Variants in ABCA1 observed in about 807,000 individuals in gnomAD.
The protein encoded by ABCA1 is ATP binding cassette subfamily A member 1, also known as phospholipid-transporting ATPase ABCA1.
A neutral mutation model predicts 262.5 loss-of-function variants in ABCA1; 133 were observed. The ratio of observed to expected loss-of-function variants is 0.51; its 90% CI spans 0.44 to 0.59. The LOEUF (loss-of-function observed/expected upper bound fraction) is 0.59, where lower values mean the gene tolerates loss of function less well. Ranked by LOEUF, ABCA1 falls within the 20% of genes least tolerant of loss-of-function variation. The pLI, the probability that ABCA1 is intolerant of heterozygous loss-of-function variation, is 0.00. For synonymous variants in ABCA1, 1,022 were observed against 1,043.5 expected, an observed-to-expected ratio of 0.98 and a Z score of 0.40; for missense variants, 2,452 against 2,777.5, an observed-to-expected ratio of 0.88 and a Z score of 2.63.
rs1401723698 is a variant in ABCA1 at position 104,826,805 on chromosome 9, A to G, written c.2337+143T>C. On this transcript the variant is annotated intron_variant, in intron 16 of 49. Coordinates refer to ENST00000374736, the MANE Select transcript of ABCA1 (RefSeq NM_005502.4). ...AAACACAATGCTTGCCCTTACCCTT[A>G]AAGAGCTTAGAATCTAGAGCTAAGG... 6.2e-6 allele frequency: 5 copies of G among 806,252 alleles called. No homozygotes were observed. The East Asian group carries it at 1.1e-4, about 17-fold the overall frequency. 49.9% of individuals were successfully genotyped at this position (806,252 alleles called of 1,614,324 possible). A position where few individuals can be genotyped will look rare whatever the true frequency, so the allele number is the denominator to read the frequency against.
chr9:104,845,378 T>C (rs1564171870), intron 8 of ABCA1, 99 bp downstream of exon 8: 2 of 780,288 alleles, frequency 2.6e-6, no homozygotes, highest in Non-Finnish European at 4.6e-6. Context: ...TTACATCCCA[T>C]GTGATATTCA....
chr9:104,790,378 T>C (rs1388686106), intron 44 of ABCA1, among the ~76,000 whole-genome samples: 1 of 152,182 alleles, frequency 6.6e-6, no homozygotes, highest in Non-Finnish European at 1.5e-5. Flanking sequence ...TTATAAGGAA[T>C]TTATTAAATA....
chr9:104,822,475 G>A, intron 19 of ABCA1, 21 bp downstream of exon 19: 3 of 1,612,556 alleles, frequency 1.9e-6, no homozygotes, highest in Non-Finnish European at 1.7e-6. Flanking sequence ...TGATTCTGCG[G>A]GAACCACACC....
intron 6 of ABCA1, among the ~76,000 whole-genome samples, chr9:104,860,884 G>C (rs888546375): frequency 6.6e-6 from 1 of 151,304 alleles, no homozygotes; most frequent in Non-Finnish European, 1.5e-5. Flanking sequence ...AGCCTCACGA[G>C]TAGCTGGGAC....
intron 18 of ABCA1, among the ~76,000 whole-genome samples, chr9:104,823,136 T>C (rs964213320): frequency 1.3e-5 from 2 of 151,134 alleles, no homozygotes; most frequent in Non-Finnish European, 2.9e-5. Flanking sequence ...CTAGAAATAA[T>C]AAAACTGTAA....
rs1828624560 is a variant in ABCA1, at chr9:104,782,865, A to AT, written c.*1449_*1450insA. 1 of 145,892 alleles carries AT rather than the reference A, an allele frequency of 6.9e-6. No individual in the cohort carries two copies. The highest frequency in any genetic ancestry group is 1.5e-5 in the Non-Finnish European group (1 of 66,042). 9.0% of individuals were successfully genotyped at this position (145,892 alleles called of 1,614,324 possible). ...GTTGCAATTAAAAAAAAAAAAAAAA[A>AT]GGCTGCCCAGTATTGTTACAGTGGG... On this transcript the variant is annotated 3_prime_UTR_variant, in exon 50 of 50. Coordinates refer to ENST00000374736, the MANE Select transcript of ABCA1 (RefSeq NM_005502.4).
chr9:104,891,966 TAAAAAAAAAAAAAAAAAA>T (rs570923490), intron 2 of ABCA1, among the ~76,000 whole-genome samples: 1 of 59,214 alleles, frequency 1.7e-5, no homozygotes, highest in African/African-American at 8.2e-5. Flanking sequence ...CTCTGTCTCT[TAAAAAAAAAAAAAAAAAA>T]AAAAAAAAAA....
chr9:104,918,183 A>T (rs1300229266), intron 1 of ABCA1, among the ~76,000 whole-genome samples: 1 of 152,124 alleles, frequency 6.6e-6, no homozygotes, highest in Non-Finnish European at 1.5e-5. Context: ...TGAGCAGAAG[A>T]TCAAGTGTGA....
chr9:104,848,628 A>C (rs1388963379), intron 7 of ABCA1, among the ~76,000 whole-genome samples: 1 of 151,982 alleles, frequency 6.6e-6, no homozygotes, highest in African/African-American at 2.4e-5. Context: ...AAAAAAAAAA[A>C]AAATGCAGAT....
At position 104,840,419 on chromosome 9, in the gene ABCA1, G is replaced by A; in HGVS notation, c.914C>T (p.Ser305Phe). The A allele has an allele frequency of 6.2e-7, 1 of 1,614,182 alleles. No individual in the cohort carries two copies. The highest frequency in any genetic ancestry group is 8.5e-7 in the Non-Finnish European group (1 of 1,180,044). Reference sequence around the variant, plus strand: ...CTCGGGATGCCCGCAGACAATACGAGACACAGCCTGGTAGATTTGGGTGGA... The same window carrying A: ...CTCGGGATGCCCGCAGACAATACGAAACACAGCCTGGTAGATTTGGGTGGA... Reference protein sequence around the residue: ...SSSTQIYQAVSRIVCGHPEGG... With the variant: ...SSSTQIYQAVFRIVCGHPEGG... Residue 305 changes from serine (S) to phenylalanine (F), a missense_variant, in exon 9 of 50, where the codon TCT (serine) becomes TTT (phenylalanine). Physicochemically the swap from Ser to Phe is radical, Grantham distance 155 (BLOSUM62 -2). Transcript: ENST00000374736.
chr9:104,903,265 G>A (rs545316379), intron 2 of ABCA1, among the ~76,000 whole-genome samples: 2 of 152,260 alleles, frequency 1.3e-5, no homozygotes, highest in East Asian at 3.9e-4. Flanking sequence ...AGAAATACAG[G>A]GGCCCATTAG....
chr9:104,906,750 CAAAA>C (rs35167860), intron 1 of ABCA1, among the ~76,000 whole-genome samples: 1 of 83,042 alleles, frequency 1.2e-5, no homozygotes. Context: ...AAACCAAAAT[CAAAA>C]AAAAAAAAAA....
intron 1 of ABCA1, among the ~76,000 whole-genome samples, chr9:104,924,145 A>C (rs748947617): frequency 9.9e-5 from 15 of 152,212 alleles, no homozygotes; most frequent in Non-Finnish European, 1.9e-4. Context: ...TTGGCCATTC[A>C]TGGTTGTATC....
At chr9:104,839,322 A>G (rs1834150507) in intron 9 of ABCA1, among the ~76,000 whole-genome samples, 1 of 152,208 alleles carries the variant, frequency 6.6e-6, no homozygotes, top group Non-Finnish European at 1.5e-5. Context: ...CTTAGAGAGC[A>G]CAGATCCAGG....
At chr9:104,802,554 G>C (rs956552628) in intron 33 of ABCA1, among the ~76,000 whole-genome samples, 1 of 152,128 alleles carries the variant, frequency 6.6e-6, no homozygotes, top group Non-Finnish European at 1.5e-5. Context: ...TTATACACAG[G>C]CTCCGGCTCC....
chr9:104,834,034 G>A (rs1833581947), intron 11 of ABCA1, among the ~76,000 whole-genome samples: 1 of 149,900 alleles, frequency 6.7e-6, no homozygotes, highest in South Asian at 2.1e-4. Context: ...GTCTCCAAGG[G>A]TCTGAAAACT....
chr9:104,805,417 G>C (rs942910409), intron 31 of ABCA1, among the ~76,000 whole-genome samples: 2 of 152,068 alleles, frequency 1.3e-5, no homozygotes, highest in African/African-American at 4.8e-5. Flanking sequence ...CCTTCTTTTA[G>C]TTCCTGTACT....
chr9:104,907,181 G>A (rs1304574736), intron 1 of ABCA1, among the ~76,000 whole-genome samples: 1 of 152,114 alleles, frequency 6.6e-6, no homozygotes, highest in Non-Finnish European at 1.5e-5. Context: ...TATGCTGCAC[G>A]CTCTCCTACC....
chr9:104,924,436 C>T (rs577446915), intron 1 of ABCA1, among the ~76,000 whole-genome samples: 3 of 151,870 alleles, frequency 2.0e-5, no homozygotes, highest in South Asian at 2.1e-4. Flanking sequence ...ATGGTGAAAC[C>T]CTGTCCCTAC....
Sources: allele counts gnomAD v4.1 joint callset (sites outside exome capture counted in the v4.1 genomes callset), GRCh38; gene constraint gnomAD v4.1.1; transcripts MANE v1.5; gene names NCBI Gene and HGNC (gene_info 2026-07-23, HGNC 2026-07-21).